ENPP3: variants seen among roughly 807,000 people sequenced by gnomAD.
ENPP3 encodes ectonucleotide pyrophosphatase/phosphodiesterase 3.
In ENPP3, 104 loss-of-function variants were observed where a neutral mutation model predicts 117.8. The ratio of observed to expected loss-of-function variants is 0.88; its 90% CI spans 0.75 to 1.04. The LOEUF (loss-of-function observed/expected upper bound fraction) is 1.04, where lower values mean the gene tolerates loss of function less well. Among genes scored for constraint, ENPP3 ranks in the 50% least tolerant of loss-of-function variants. The probability of loss-of-function intolerance (pLI) is 0.00; values close to 1 mark genes in which losing one functional copy is unlikely to be tolerated. For synonymous variants in ENPP3, 380 were observed against 349.9 expected (o/e 1.09, Z -0.96); for missense variants, 1,026 against 1,051.9 (o/e 0.98, Z 0.34).
intron 14 of ENPP3, among the ~76,000 whole-genome samples, chr6:131,687,939 C>T (rs998379196): frequency 3.9e-5 from 6 of 152,040 alleles, no homozygotes; most frequent in African/African-American, 1.5e-4. Flanking sequence ...CCTTGCTTCA[C>T]TGCATTGTGC....
At chr6:131,721,740 T>G (rs1005672597) in intron 17 of ENPP3, among the ~76,000 whole-genome samples, 2 of 152,246 alleles carry the variant, frequency 1.3e-5, no homozygotes, top group Non-Finnish European at 2.9e-5. Flanking sequence ...AAATTATTTA[T>G]TGAAACTTGC....
At chr6:131,638,598 C>CTT in intron 1 of ENPP3, 3 of 372,162 alleles carry the variant, frequency 8.1e-6, no homozygotes, top group Admixed American at 3.9e-5. Context: ...TCTTTCTTTT[C>CTT]TTTTTTTTGT....
chr6:131,688,059 G>T (rs73552679), intron 14 of ENPP3, among the ~76,000 whole-genome samples: 1 of 152,222 alleles, frequency 6.6e-6, no homozygotes, highest in African/African-American at 2.4e-5. Flanking sequence ...TCATGTGTCT[G>T]TGTCACCTTT....
intron 6 of ENPP3, among the ~76,000 whole-genome samples, chr6:131,665,843 G>A (rs550866925): frequency 1.3e-5 from 2 of 152,050 alleles, no homozygotes; most frequent in African/African-American, 4.8e-5. Flanking sequence ...CTTTCTTAAT[G>A]TAGGCATTTA....
At chr6:131,697,181 G>A (rs1779426677) in intron 15 of ENPP3, among the ~76,000 whole-genome samples, 1 of 152,178 alleles carries the variant, frequency 6.6e-6, no homozygotes, top group South Asian at 2.1e-4. Flanking sequence ...CTGCATTGCT[G>A]GAGCACTGAG....
intron 17 of ENPP3, 139 bp from the exon 18 acceptor site, chr6:131,722,088 A>G (rs1780044753): frequency 4.8e-6 from 3 of 625,902 alleles, no homozygotes; most frequent in Non-Finnish European, 8.3e-6. Flanking sequence ...ACTGAATGGC[A>G]TATAGAGTAC....
intron 20 of ENPP3, among the ~76,000 whole-genome samples, chr6:131,731,252 G>C (rs1780273823): frequency 6.6e-6 from 1 of 152,084 alleles, no homozygotes; most frequent in African/African-American, 2.4e-5. Flanking sequence ...TTGGCTGTCA[G>C]CTTCTATTTT....
In ENPP3 at chr6:131,654,351, GACTGGACTCGA is replaced by G. The variant is rs1484703001; in HGVS notation, c.464+1464_464+1474del. Among the ~76,000 whole-genome samples, 52 of 142,228 alleles carry G rather than the reference GACTGGACTCGA, an allele frequency of 3.7e-4. 2 individuals are homozygous for G. The highest frequency in any genetic ancestry group is 1.1e-4 in the Non-Finnish European group (7 of 64,668). 93.3% of individuals were successfully genotyped at this position (142,228 alleles called of 152,430 possible). A position where few individuals can be genotyped will look rare whatever the true frequency, so the allele number is the denominator to read the frequency against. ...AGACAGGGGCTCACTATGTTGCCCAGACTGGACTCGAACTCCTGAACTCAACTGATCCTCCT... is the reference window on the plus strand; with the variant it reads ...AGACAGGGGCTCACTATGTTGCCCAGACTCCTGAACTCAACTGATCCTCCT... On this transcript the variant is annotated intron_variant, in intron 5 of 24. Coordinates refer to ENST00000357639, the MANE Select transcript of ENPP3 (RefSeq NM_005021.5).
At chr6:131,692,800 T>TATATATGATATATG (rs527601184) in intron 14 of ENPP3, among the ~76,000 whole-genome samples, 4 of 143,832 alleles carry the variant, frequency 2.8e-5, no homozygotes, top group African/African-American at 1.0e-4. Context: ...AATATGTAGT[T>TATATATGATATATG]ATATATGATA....
chr6:131,703,823 GT>G (rs1460411397), intron 15 of ENPP3, among the ~76,000 whole-genome samples: 1 of 150,844 alleles, frequency 6.6e-6, no homozygotes, highest in African/African-American at 2.5e-5. Flanking sequence ...CCTCCACAGA[GT>G]ACCTTCCAAT....
chr6:131,662,583 G>A (rs1366151669), intron 6 of ENPP3, among the ~76,000 whole-genome samples: 1 of 152,166 alleles, frequency 6.6e-6, no homozygotes, highest in Non-Finnish European at 1.5e-5. Flanking sequence ...TTTTATGCCA[G>A]TAACATGCTG....
chr6:131,689,809 A>G (rs1779238181), intron 14 of ENPP3, among the ~76,000 whole-genome samples: 1 of 152,254 alleles, frequency 6.6e-6, no homozygotes. Context: ...TCTAGATACC[A>G]TTAAAAACAT....
intron 2 of ENPP3, among the ~76,000 whole-genome samples, chr6:131,647,751 T>C (rs532065499): frequency 2.6e-5 from 4 of 152,286 alleles, no homozygotes; most frequent in Non-Finnish European, 5.9e-5. Context: ...TGGAGATAAA[T>C]ATTTTAAAGA....
In ENPP3 at chr6:131,744,397, G is replaced by A. The variant is rs1780589903; in HGVS notation, c.2458-2389G>A. The stretch of plus-strand genomic sequence containing the variant: ...AATCAGAACTGCAGATCTAGATTTG[G>A]GATTAAATCATTGGTGTGAAATACA... On this transcript the variant is annotated intron_variant, in intron 24 of 24. Coordinates refer to ENST00000357639, the MANE Select transcript of ENPP3 (RefSeq NM_005021.5). Among the ~76,000 whole-genome samples, 10 of 152,232 alleles carry A rather than the reference G, an allele frequency of 6.6e-5. No homozygotes were observed. The South Asian group carries it at 1.9e-3, about 28-fold the overall frequency.
chr6:131,719,140 A>C (rs1275608672), intron 16 of ENPP3, among the ~76,000 whole-genome samples: 1 of 152,170 alleles, frequency 6.6e-6, no homozygotes, highest in African/African-American at 2.4e-5. Flanking sequence ...CCTGGGGGGC[A>C]GTAAGAAACT....
intron 20 of ENPP3, among the ~76,000 whole-genome samples, chr6:131,730,266 C>T (rs1780247473): frequency 6.6e-6 from 1 of 152,148 alleles, no homozygotes; most frequent in Non-Finnish European, 1.5e-5. Flanking sequence ...TCTAATTTTA[C>T]AACATACTTA....
intron 2 of ENPP3, among the ~76,000 whole-genome samples, chr6:131,647,997 T>C (rs1401589625): frequency 6.6e-6 from 1 of 151,124 alleles, no homozygotes; most frequent in African/African-American, 2.5e-5. Context: ...CTGTCTTTCT[T>C]TATCTCTTTC....
chr6:131,660,837 C>A (rs918674153), intron 6 of ENPP3, among the ~76,000 whole-genome samples: 1 of 152,144 alleles, frequency 6.6e-6, no homozygotes, highest in East Asian at 1.9e-4. Flanking sequence ...CTAGAATTTA[C>A]TTATTTTATA....
At chr6:131,741,403 G>T (rs543831292) in intron 24 of ENPP3, among the ~76,000 whole-genome samples, 27 of 152,188 alleles carry the variant, frequency 1.8e-4, no homozygotes, top group African/African-American at 6.3e-4. Flanking sequence ...AAACTAAAAA[G>T]TAAAAGAGGT....
Sources: gnomAD v4.1 joint callset for allele counts (sites outside exome capture counted in the v4.1 genomes callset) on GRCh38, gnomAD v4.1.1 for gene constraint, MANE v1.5 for transcripts, NCBI Gene and HGNC (gene_info 2026-07-23, HGNC 2026-07-21) for gene names.